TMEM135: variants seen among roughly 807,000 people sequenced by gnomAD.
TMEM135 encodes transmembrane protein 135.
TMEM135 carries 30 observed loss-of-function variants against 60.3 expected under a neutral mutation model. The ratio of observed to expected loss-of-function variants is 0.50; its 90% CI spans 0.37 to 0.68. The LOEUF (loss-of-function observed/expected upper bound fraction) is 0.68, where lower values mean the gene tolerates loss of function less well. Among genes scored for constraint, TMEM135 ranks in the 30% least tolerant of loss-of-function variants. The pLI is 0.00. For missense variants in TMEM135, 468 were observed against 548.8 expected (o/e 0.85, Z 1.47); for synonymous variants, 190 against 186.7 (o/e 1.02, Z -0.14).
intron 5 of TMEM135, among the ~76,000 whole-genome samples, chr11:87,159,013 A>C (rs1347437217): frequency 6.6e-6 from 1 of 152,160 alleles, no homozygotes; most frequent in Non-Finnish European, 1.5e-5. Flanking sequence ...ATGGTTAGGG[A>C]AATGTATGCA....
intron 3 of TMEM135, 100 bp downstream of exon 3, chr11:87,071,715 T>C: frequency 1.4e-6 from 1 of 732,826 alleles, no homozygotes; most frequent in Non-Finnish European, 2.2e-6. Flanking sequence ...ATGAGAAATA[T>C]TTCTAGATAT....
Position 87,326,226 on chromosome 11 carries a change from G to A in TMEM135, c.*4893G>A, listed in dbSNP as rs116080913. 2.0e-3 allele frequency: 922 copies of A among 453,960 alleles called. 9 individuals carry two copies. The highest frequency in any genetic ancestry group is 0.017 in the African/African-American group (853 of 50,056). The allele number at this position is 453,960 out of a possible 1,614,324, so 28.1% of individuals were successfully genotyped here. On this transcript the variant is annotated 3_prime_UTR_variant, in exon 15 of 15. Transcript: ENST00000305494. ...CCTGGTCTTGGCATAGAGGCCATAG[G>A]CATACAACATGCTTTATCTGCCTTG...
At chr11:87,200,366 A>G (rs1345814418) in intron 5 of TMEM135, among the ~76,000 whole-genome samples, 1 of 152,196 alleles carries the variant, frequency 6.6e-6, no homozygotes, top group East Asian at 1.9e-4. Context: ...CAAAGTTATA[A>G]AATGATTTCT....
At chr11:87,252,785 AAT>A (rs1941444691) in intron 6 of TMEM135, among the ~76,000 whole-genome samples, 1 of 102,046 alleles carries the variant, frequency 9.8e-6, no homozygotes. Context: ...AAAAAAAAAA[AAT>A]TAAAATATAT....
intron 4 of TMEM135, among the ~76,000 whole-genome samples, chr11:87,136,431 T>C (rs1257481470): frequency 6.6e-6 from 1 of 152,064 alleles, no homozygotes; most frequent in African/African-American, 2.4e-5. Context: ...TTTATAACTA[T>C]GCCCGTGGGG....
chr11:87,128,019 T>C (rs1353540918), intron 4 of TMEM135, among the ~76,000 whole-genome samples: 1 of 152,208 alleles, frequency 6.6e-6, no homozygotes, highest in Non-Finnish European at 1.5e-5. Flanking sequence ...TTCTATCTCA[T>C]CATGCTTGAT....
intron 6 of TMEM135, among the ~76,000 whole-genome samples, chr11:87,258,054 A>T (rs1269929406): frequency 6.6e-6 from 1 of 152,104 alleles, no homozygotes; most frequent in East Asian, 1.9e-4. Context: ...AATTACATTT[A>T]TAGTCTTTAG....
chr11:87,181,767 TAAAA>T (rs986127838), intron 5 of TMEM135, among the ~76,000 whole-genome samples: 15 of 152,032 alleles, frequency 9.9e-5, no homozygotes, highest in African/African-American at 3.4e-4. Flanking sequence ...ATTCTTAAGA[TAAAA>T]AAAGTATTGA....
chr11:87,317,262 A>C (rs1185314292), intron 12 of TMEM135, among the ~76,000 whole-genome samples: 1 of 152,068 alleles, frequency 6.6e-6, no homozygotes, highest in Non-Finnish European at 1.5e-5. Context: ...TTCACTTAAC[A>C]TTTCTGTGAC....
intron 8 of TMEM135, among the ~76,000 whole-genome samples, chr11:87,305,293 T>C (rs1942519726): frequency 6.6e-6 from 1 of 152,068 alleles, no homozygotes; most frequent in African/African-American, 2.4e-5. Context: ...ATATATAATA[T>C]ATACATATTT....
intron 6 of TMEM135, among the ~76,000 whole-genome samples, chr11:87,291,744 T>C (rs113151075): frequency 0.073 from 11,026 of 151,970 alleles, 417 homozygotes; most frequent in South Asian, 0.11. Flanking sequence ...GGTTTCGCCA[T>C]GTTGGCCAGG....
chr11:87,298,790 A>AAAAAAAAAC (rs1235282415), intron 7 of TMEM135, among the ~76,000 whole-genome samples: 1 of 148,590 alleles, frequency 6.7e-6, no homozygotes, highest in East Asian at 2.0e-4. Flanking sequence ...CTGTCTCAAA[A>AAAAAAAAAC]AAAAAAAAAA....
At chr11:87,199,567 T>C (rs138502392) in intron 5 of TMEM135, among the ~76,000 whole-genome samples, 13 of 152,310 alleles carry the variant, frequency 8.5e-5, no homozygotes, top group African/African-American at 1.4e-4. Context: ...TAGATACATA[T>C]AGATTTCTAG....
intron 5 of TMEM135, among the ~76,000 whole-genome samples, chr11:87,159,236 T>TA (rs1029081728): frequency 6.6e-6 from 1 of 152,188 alleles, no homozygotes; most frequent in Admixed American, 6.5e-5. Flanking sequence ...ATAATGAGGT[T>TA]AAAAGTGTAA....
chr11:87,194,534 ATGTGTG>A (rs1272050632), intron 5 of TMEM135, among the ~76,000 whole-genome samples: 2 of 151,890 alleles, frequency 1.3e-5, no homozygotes, highest in African/African-American at 4.8e-5. Flanking sequence ...ATACCTGTGT[ATGTGTG>A]TGTGTGTTGT....
intron 6 of TMEM135, among the ~76,000 whole-genome samples, chr11:87,248,640 A>G (rs1407352687): frequency 1.4e-5 from 2 of 145,074 alleles, no homozygotes; most frequent in Non-Finnish European, 3.0e-5. Context: ...TTTTTTTTCT[A>G]TTTCTATGAA....
intron 5 of TMEM135, among the ~76,000 whole-genome samples, chr11:87,185,500 A>C (rs1939628362): frequency 2.1e-5 from 3 of 144,330 alleles, no homozygotes; most frequent in African/African-American, 5.1e-5. Flanking sequence ...GATTAAATTC[A>C]TATGTGGTGT....
chr11:87,091,212 T>G, intron 3 of TMEM135, 150 bp from the exon 4 acceptor site: 1 of 617,110 alleles, frequency 1.6e-6, no homozygotes, highest in South Asian at 2.4e-5. Context: ...AGAGAGAAAT[T>G]AGTTCGGCAT....
intron 1 of TMEM135, among the ~76,000 whole-genome samples, chr11:87,042,543 A>G (rs1279349879): frequency 6.6e-6 from 1 of 152,202 alleles, no homozygotes; most frequent in Non-Finnish European, 1.5e-5. Context: ...ACTAGGAGAC[A>G]GGAGAGCAGG....
Sources: gnomAD v4.1 joint callset for allele counts (sites outside exome capture counted in the v4.1 genomes callset) on GRCh38, gnomAD v4.1.1 for gene constraint, MANE v1.5 for transcripts, NCBI Gene and HGNC (gene_info 2026-07-23, HGNC 2026-07-21) for gene names.